PCSK5: variants seen among roughly 807,000 people sequenced by gnomAD.
PCSK5 encodes the protein prohormone convertase 5.
A neutral mutation model predicts 233.2 loss-of-function variants in PCSK5; 129 were observed. The ratio of observed to expected loss-of-function variants is 0.55; its 90% CI spans 0.48 to 0.64. The LOEUF (loss-of-function observed/expected upper bound fraction) is 0.64. Among genes scored for constraint, PCSK5 ranks in the 30% least tolerant of loss-of-function variants. The probability of loss-of-function intolerance (pLI) is 0.00; values close to 1 mark genes in which losing one functional copy is unlikely to be tolerated. For synonymous variants in PCSK5, 825 were observed against 879.2 expected (o/e 0.94, Z 1.09); for missense variants, 2,076 against 2,430.1 (o/e 0.85, Z 3.06).
chr9:76,195,348 G>A (rs1272876529), intron 20 of PCSK5: 1 of 152,136 alleles, frequency 6.6e-6, no homozygotes, highest in East Asian at 1.9e-4. Context: ...TGAGGCACGA[G>A]GTTACTGTGA....
chr9:76,089,419 T>C (rs1417688500), intron 7 of PCSK5, among the ~76,000 whole-genome samples: 1 of 152,238 alleles, frequency 6.6e-6, no homozygotes, highest in African/African-American at 2.4e-5. Context: ...TCTCGACCTC[T>C]TGTCTCTACC....
chr9:76,092,658 C>T (rs187428483), intron 7 of PCSK5, among the ~76,000 whole-genome samples: 2 of 152,240 alleles, frequency 1.3e-5, no homozygotes, highest in Admixed American at 6.5e-5. Context: ...GCACCCAGCC[C>T]GTTAGTGAGC....
At chr9:75,992,487 G>A (rs1230559244) in intron 3 of PCSK5, among the ~76,000 whole-genome samples, 1 of 152,122 alleles carries the variant, frequency 6.6e-6, no homozygotes, top group Non-Finnish European at 1.5e-5. Context: ...ATTGCTTAAG[G>A]AAATTGATGT....
chr9:75,977,582 A>G (rs1350778262), intron 2 of PCSK5, among the ~76,000 whole-genome samples: 1 of 149,584 alleles, frequency 6.7e-6, no homozygotes, highest in Non-Finnish European at 1.5e-5. Flanking sequence ...AAATGGCTCC[A>G]TCTCAAAAGA....
At chr9:76,287,239 C>A in intron 24 of PCSK5, 1 of 222,366 alleles carries the variant, frequency 4.5e-6, no homozygotes. Context: ...AAACTCCTCT[C>A]CTCTCTTACC....
In PCSK5 at chr9:76,190,594, C is replaced by T. The variant is rs11144788; in HGVS notation, c.2626+848C>T. On this transcript the variant is annotated intron_variant, in intron 20 of 37. Transcript: ENST00000674117. ...CATAAAATTCAATCATGTGAAGATT[C>T]TATAGTTTTTAGCCAATCTCCTATT... Among the ~76,000 whole-genome samples, 6 of 151,320 alleles carry T rather than the reference C, an allele frequency of 4.0e-5. No individual in the cohort carries two copies. In the South Asian group the frequency reaches 1.0e-3, roughly 26 times the overall value.
At chr9:76,146,613 G>C (rs939892420) in intron 10 of PCSK5, among the ~76,000 whole-genome samples, 1 of 151,770 alleles carries the variant, frequency 6.6e-6, no homozygotes, top group Admixed American at 6.6e-5. Context: ...TACTTTGTGT[G>C]GTTGACTTGG....
rs757362207 is a variant in PCSK5, at chr9:76,353,896, G to A, written c.5068-137G>A. The stretch of plus-strand genomic sequence containing the variant: ...CTTTCACCCAACACAGTTAAAATGG[G>A]CTTAGAACACACCATCCTTCTGCTG... On this transcript the variant is annotated intron_variant, in intron 36 of 37. Coordinates refer to ENST00000674117, the MANE Select transcript of PCSK5 (RefSeq NM_001372043.1). The A allele has an allele frequency of 1.8e-4, 121 of 658,144 alleles. 1 individual carries two copies. Among genetic ancestry groups the A allele is most frequent in the South Asian group, 3.9e-5 (2 of 51,382 alleles). The allele number at this position is 658,144 out of a possible 1,614,324, so 40.8% of individuals were successfully genotyped here. A position where few individuals can be genotyped will look rare whatever the true frequency, so the allele number is the denominator to read the frequency against.
chr9:76,003,196 C>T (rs1437367652), intron 3 of PCSK5, among the ~76,000 whole-genome samples: 1 of 152,136 alleles, frequency 6.6e-6, no homozygotes, highest in East Asian at 1.9e-4. Flanking sequence ...ATCCTTATCA[C>T]GTGTGTTCAA....
At chr9:76,266,351 A>G (rs1184910659) in intron 24 of PCSK5, among the ~76,000 whole-genome samples, 2 of 152,240 alleles carry the variant, frequency 1.3e-5, no homozygotes, top group African/African-American at 4.8e-5. Context: ...GGTACTTACT[A>G]TATGTAGACA....
chr9:75,932,440 T>C lies in PCSK5; in HGVS notation c.254T>C (p.Ile85Thr). 3.7e-6 allele frequency: 6 copies of C among 1,613,552 alleles called. 1 individual carries two copies. The South Asian group carries it at 4.4e-5, about 12-fold the overall frequency. ...AGCAGGACGATTAAAAGGTCAGTTATCTCGAGCAGAGGGACCCACAGTTTC... is the reference window on the plus strand; with the variant it reads ...AGCAGGACGATTAAAAGGTCAGTTACCTCGAGCAGAGGGACCCACAGTTTC... The part of the protein sequence containing the change: ...YHSRTIKRSV[I>T]SSRGTHSFIS... The change falls in exon 2 of 38, where the codon ATC (isoleucine) becomes ACC (threonine). Residue 85 changes from isoleucine (I) to threonine (T), a missense_variant. Physicochemically the swap from Ile to Thr is moderately conservative, Grantham distance 89. Transcript: ENST00000674117.
rs567600885 is a variant in PCSK5, at chr9:76,050,182, G to A, written c.633-17773G>A. Reference sequence around the variant, plus strand: ...GAAGATGGAAGTAGTCTCATTAGGTGTAGTTAAGAAGGTCTTTATAATAAT... The same window carrying A: ...GAAGATGGAAGTAGTCTCATTAGGTATAGTTAAGAAGGTCTTTATAATAAT... On this transcript the variant is annotated intron_variant, in intron 5 of 37. Coordinates refer to ENST00000674117, the MANE Select transcript of PCSK5 (RefSeq NM_001372043.1). 3.3e-5 allele frequency among the ~76,000 whole-genome samples: 5 copies of A among 152,256 alleles called. No homozygotes were observed. The East Asian group carries it at 9.6e-4, about 29-fold the overall frequency.
At chr9:76,289,739 A>C (rs1828220806) in intron 24 of PCSK5, among the ~76,000 whole-genome samples, 1 of 152,168 alleles carries the variant, frequency 6.6e-6, no homozygotes, top group Non-Finnish European at 1.5e-5. Context: ...GGGTGGAAAC[A>C]ATTTTTTAAA....
intron 12 of PCSK5, among the ~76,000 whole-genome samples, chr9:76,165,818 G>A (rs1823064073): frequency 6.6e-6 from 1 of 152,186 alleles, no homozygotes. Flanking sequence ...TCTCTTCACT[G>A]TTGGCACAGC....
At chr9:75,906,625 G>A (rs1381062568) in intron 1 of PCSK5, among the ~76,000 whole-genome samples, 1 of 152,194 alleles carries the variant, frequency 6.6e-6, no homozygotes, top group African/African-American at 2.4e-5. Flanking sequence ...CTGAGGAAGA[G>A]AAGGTCAGAA....
chr9:76,200,771 G>A, intron 20 of PCSK5, among the ~76,000 whole-genome samples: 1 of 152,232 alleles, frequency 6.6e-6, no homozygotes, highest in East Asian at 1.9e-4. Flanking sequence ...GGCAGGGGAT[G>A]AGCAGGGCAG....
intron 20 of PCSK5, chr9:76,209,506 T>C (rs767595794): frequency 5.8e-6 from 3 of 515,664 alleles, no homozygotes; most frequent in African/African-American, 3.9e-5. Flanking sequence ...GTACCTGACA[T>C]GTAGTAGGCG....
chr9:76,025,765 T>A (rs1293170786), intron 4 of PCSK5, among the ~76,000 whole-genome samples: 1 of 152,096 alleles, frequency 6.6e-6, no homozygotes, highest in African/African-American at 2.4e-5. Context: ...GAAAAAGACA[T>A]AGGGCAGAAA....
intron 5 of PCSK5, among the ~76,000 whole-genome samples, chr9:76,065,212 A>T (rs1031570209): frequency 6.8e-6 from 1 of 148,060 alleles, no homozygotes; most frequent in Non-Finnish European, 1.5e-5. Context: ...GTTTTACGGG[A>T]CCCGCCATAC....
Sources: allele counts gnomAD v4.1 joint callset (sites outside exome capture counted in the v4.1 genomes callset), GRCh38; gene constraint gnomAD v4.1.1; transcripts MANE v1.5; gene names NCBI Gene and HGNC (gene_info 2026-07-23, HGNC 2026-07-21).